The following SAMMSON variants were observed in gnomAD, a reference collection of about 807,000 sequenced individuals.
SAMMSON encodes survival associated mitochondrial melanoma specific oncogenic non-coding RNA.
At position 70,385,307 on chromosome 3, in the gene SAMMSON, A is replaced by C. The variant is rs1248315324; in HGVS notation, n.914-4267A>C. ...CCACCATGTAAGAGGTACTCATCAG[A>C]TATTAATACTTCCTCATAATCACTA... On this transcript the variant is annotated intron_variant and non_coding_transcript_variant, in intron 9 of 9. Coordinates refer to ENST00000642114, the Ensembl canonical transcript of SAMMSON. 2.6e-5 allele frequency among the ~76,000 whole-genome samples: 4 copies of C among 152,128 alleles called. No homozygotes were observed. In the East Asian group the frequency reaches 7.7e-4, roughly 29 times the overall value.
At chr3:70,280,570 A>G (rs527648362) in intron 6 of SAMMSON, among the ~76,000 whole-genome samples, 5 of 152,244 alleles carry the variant, frequency 3.3e-5, no homozygotes, top group Admixed American at 3.3e-4. Flanking sequence ...TCAGAAAACG[A>G]TATCCTAAAA....
intron 9 of SAMMSON, among the ~76,000 whole-genome samples, chr3:70,387,602 A>T (rs1319105160): frequency 6.6e-6 from 1 of 152,122 alleles, no homozygotes; most frequent in Non-Finnish European, 1.5e-5. Context: ...TATTATGATT[A>T]TACCATACTT....
At chr3:70,182,622 G>T (rs139266198) in intron 4 of SAMMSON, among the ~76,000 whole-genome samples, 16 of 152,148 alleles carry the variant, frequency 1.1e-4, no homozygotes, top group African/African-American at 3.6e-4. Context: ...ATGATTTCAC[G>T]GGCTAATTTA....
rs767545520 is a variant in SAMMSON at position 70,375,159 on chromosome 3, ATTCTAC to A, written n.914-14409_914-14404del. Among the ~76,000 whole-genome samples the A allele has an allele frequency of 5.7e-4, 87 of 152,186 alleles. 1 individual carries two copies. The highest frequency in any genetic ancestry group is 3.5e-3 in the Admixed American group (53 of 15,282). On this transcript the variant is annotated intron_variant and non_coding_transcript_variant, in intron 9 of 9. Transcript: ENST00000642114. ...AGGCCCCTCAATTTTTTGTTTTTAT[ATTCTAC>A]TTCTATTCTTGACTCAATTCATTCA...
At chr3:70,073,406 T>G (rs1047330861) in intron 4 of SAMMSON, among the ~76,000 whole-genome samples, 3 of 152,066 alleles carry the variant, frequency 2.0e-5, no homozygotes, top group Admixed American at 2.0e-4. Flanking sequence ...GGTTCTCTAC[T>G]GGCCCTAGAG....
chr3:70,154,241 A>G (rs1394832890), intron 4 of SAMMSON, among the ~76,000 whole-genome samples: 1 of 152,070 alleles, frequency 6.6e-6, no homozygotes, highest in Non-Finnish European at 1.5e-5. Flanking sequence ...AGGGATTTCT[A>G]TGTGCTAGAC....
At chr3:70,150,237 G>T (rs2067566229) in intron 4 of SAMMSON, among the ~76,000 whole-genome samples, 1 of 151,972 alleles carries the variant, frequency 6.6e-6, no homozygotes, top group South Asian at 2.1e-4. Context: ...TTAAGGATTG[G>T]TGAACCCTTT....
At chr3:70,411,061 C>T (rs1160531263) in intron 2 of SAMMSON, among the ~76,000 whole-genome samples, 1 of 152,162 alleles carries the variant, frequency 6.6e-6, no homozygotes, top group African/African-American at 2.4e-5. Context: ...TTTACCCCTA[C>T]CCCGCGCAAT....
intron 7 of SAMMSON, among the ~76,000 whole-genome samples, chr3:70,311,179 T>C (rs1185806702): frequency 6.6e-6 from 1 of 152,222 alleles, no homozygotes; most frequent in Non-Finnish European, 1.5e-5. Context: ...TTTTACAATA[T>C]AATAGATTCA....
intron 3 of SAMMSON, among the ~76,000 whole-genome samples, chr3:70,067,366 T>C (rs2067213354): frequency 6.6e-6 from 1 of 152,066 alleles, no homozygotes; most frequent in Non-Finnish European, 1.5e-5. Context: ...TAAGTGAAAA[T>C]ATATTAACCC....
At chr3:70,420,136 G>A (rs532616557) in intron 2 of SAMMSON, among the ~76,000 whole-genome samples, 1 of 152,284 alleles carries the variant, frequency 6.6e-6, no homozygotes, top group South Asian at 2.1e-4. Flanking sequence ...GATAGTAGAG[G>A]TGAATTTACT....
intron 4 of SAMMSON, among the ~76,000 whole-genome samples, chr3:70,244,134 G>A (rs865996397): frequency 3.9e-5 from 6 of 152,086 alleles, no homozygotes; most frequent in African/African-American, 1.2e-4. Context: ...GCTCAAATGG[G>A]AACAAGGTGC....
At chr3:70,156,110 A>G (rs1169448064) in intron 4 of SAMMSON, among the ~76,000 whole-genome samples, 1 of 152,010 alleles carries the variant, frequency 6.6e-6, no homozygotes, top group Non-Finnish European at 1.5e-5. Context: ...AGAAAGACCC[A>G]AGTTTAATTT....
At chr3:70,170,489 C>A (rs1014592093) in intron 4 of SAMMSON, among the ~76,000 whole-genome samples, 1 of 151,072 alleles carries the variant, frequency 6.6e-6, no homozygotes, top group East Asian at 1.9e-4. Flanking sequence ...TACTTTATAC[C>A]GCACAATTAA....
At chr3:70,427,818 G>C (rs140729257) in intron 2 of SAMMSON, among the ~76,000 whole-genome samples, 3,255 of 152,074 alleles carry the variant, frequency 0.021, 54 homozygotes, top group South Asian at 0.055. Context: ...AATAGTTGCG[G>C]AGTCTCTTGC....
intron 3 of SAMMSON, among the ~76,000 whole-genome samples, chr3:70,022,028 A>C (rs1466331683): frequency 6.6e-6 from 1 of 152,118 alleles, no homozygotes; most frequent in Non-Finnish European, 1.5e-5. Context: ...ACAGCGTTTC[A>C]CATCACCTGC....
chr3:70,228,958 C>G (rs1701534140), intron 4 of SAMMSON, among the ~76,000 whole-genome samples: 1 of 151,988 alleles, frequency 6.6e-6, no homozygotes, highest in South Asian at 2.1e-4. Context: ...AGAGCAGAGT[C>G]CAGTGAAGAA....
intron 3 of SAMMSON, among the ~76,000 whole-genome samples, chr3:70,035,089 A>T (rs528121649): frequency 1.9e-3 from 296 of 152,088 alleles, no homozygotes; most frequent in Non-Finnish European, 3.4e-3. Context: ...CCTGCCTGGG[A>T]TTTTACCTGG....
Position 70,119,215 on chromosome 3 carries a change from C to T in SAMMSON, n.507+47650C>T, listed in dbSNP as rs145567419. Reference sequence around the variant, plus strand: ...CTGAGTAGCTGGGATTACAGGCGCCCGCCACCACACCTGGCTAATTTTTAT... The same window carrying T: ...CTGAGTAGCTGGGATTACAGGCGCCTGCCACCACACCTGGCTAATTTTTAT... On this transcript the variant is annotated intron_variant and non_coding_transcript_variant, in intron 4 of 9. Transcript: ENST00000642114. Among the ~76,000 whole-genome samples the T allele has an allele frequency of 5.4e-3, 823 of 152,002 alleles. 10 individuals are homozygous for T. Among genetic ancestry groups the T allele is most frequent in the African/African-American group, 0.019 (783 of 41,456 alleles).
Sources: gnomAD v4.1 joint callset for allele counts (sites outside exome capture counted in the v4.1 genomes callset) on GRCh38, gnomAD v4.1.1 for gene constraint, MANE v1.5 for transcripts, NCBI Gene and HGNC (gene_info 2026-07-23, HGNC 2026-07-21) for gene names.